SCN8A: variants seen among roughly 807,000 people sequenced by gnomAD.
The protein encoded by SCN8A is sodium channel protein type 8 subunit alpha.
A neutral mutation model predicts 184.1 loss-of-function variants in SCN8A; 30 were observed. The ratio of observed to expected loss-of-function variants is 0.16; its 90% CI spans 0.12 to 0.22. The LOEUF is 0.22. SCN8A is among the 10% of genes least tolerant of loss of function. The pLI, the probability that SCN8A is intolerant of heterozygous loss-of-function variation, is 1.00. For synonymous variants in SCN8A, 852 were observed against 907.0 expected (o/e 0.94, Z 1.09); for missense variants, 1,057 against 2,498.9 (o/e 0.42, Z 12.30).
chr12:51,666,349 C>T lies in SCN8A; in HGVS notation c.276+3256C>T, dbSNP rs969164920. Among the ~76,000 whole-genome samples the T allele has an allele frequency of 3.3e-5, 5 of 152,124 alleles. No individual in the cohort carries two copies. In the East Asian group the frequency reaches 5.8e-4, roughly 18 times the overall value. The stretch of plus-strand genomic sequence containing the variant: ...CAAGAAGATCAGAGTGATTTTTTTG[C>T]ACCCGCTGTTATACAAATGTCTTTA... On this transcript the variant is annotated intron_variant, in intron 2 of 26. Transcript: ENST00000627620.
chr12:51,633,316 C>G (rs952488146), intron 1 of SCN8A, among the ~76,000 whole-genome samples: 3 of 152,202 alleles, frequency 2.0e-5, no homozygotes, highest in Admixed American at 1.3e-4. Flanking sequence ...GAAATAATCT[C>G]TTATCTAGAT....
chr12:51,799,678 C>T (rs1254846784), intron 26 of SCN8A, among the ~76,000 whole-genome samples: 3 of 152,170 alleles, frequency 2.0e-5, no homozygotes, highest in Non-Finnish European at 4.4e-5. Flanking sequence ...GTTCTAAACC[C>T]CACTCAAAAC....
chr12:51,591,565 T>G (rs1270291802), intron 1 of SCN8A, among the ~76,000 whole-genome samples: 1 of 152,162 alleles, frequency 6.6e-6, no homozygotes, highest in East Asian at 1.9e-4. Context: ...CCTTCTACTG[T>G]GTGTACCGGG....
At chr12:51,630,024 T>G (rs1357394616) in intron 1 of SCN8A, among the ~76,000 whole-genome samples, 1 of 152,186 alleles carries the variant, frequency 6.6e-6, no homozygotes, top group Non-Finnish European at 1.5e-5. Context: ...TTGAATTTTA[T>G]CTCCTCCATT....
intron 26 of SCN8A, among the ~76,000 whole-genome samples, chr12:51,805,709 A>G (rs957044658): frequency 1.3e-5 from 2 of 152,206 alleles, no homozygotes; most frequent in Non-Finnish European, 2.9e-5. Flanking sequence ...CCTGGGCAAC[A>G]TAGCAAGACC....
intron 13 of SCN8A, among the ~76,000 whole-genome samples, chr12:51,746,621 A>T (rs1592140594): frequency 6.6e-6 from 1 of 152,314 alleles, no homozygotes; most frequent in East Asian, 1.9e-4. Context: ...CCACAGGGAA[A>T]GAGCAACCGC....
intron 11 of SCN8A, among the ~76,000 whole-genome samples, chr12:51,712,076 T>C (rs116983759): frequency 1.3e-5 from 2 of 152,166 alleles, no homozygotes; most frequent in Non-Finnish European, 2.9e-5. Context: ...TACATAAATA[T>C]TGAAAAGTTA....
chr12:51,763,714 T>C (rs1442294464), intron 15 of SCN8A, among the ~76,000 whole-genome samples: 1 of 152,234 alleles, frequency 6.6e-6, no homozygotes, highest in Non-Finnish European at 1.5e-5. Flanking sequence ...GTAAGTGATA[T>C]CTTGATTAAC....
At chr12:51,776,974 A>T (rs756105719) in intron 20 of SCN8A, among the ~76,000 whole-genome samples, 38 of 152,242 alleles carry the variant, frequency 2.5e-4, no homozygotes, top group Non-Finnish European at 5.1e-4. Flanking sequence ...CCAAACAAGG[A>T]AAACATTCTG....
intron 13 of SCN8A, among the ~76,000 whole-genome samples, chr12:51,749,418 A>G (rs937949214): frequency 6.6e-6 from 1 of 152,226 alleles, no homozygotes; most frequent in Non-Finnish European, 1.5e-5. Context: ...CCACGTGCCA[A>G]TGAGCAACAG....
chr12:51,757,345 T>A (rs1300783314), intron 14 of SCN8A, among the ~76,000 whole-genome samples: 2 of 151,922 alleles, frequency 1.3e-5, no homozygotes, highest in Middle Eastern at 3.2e-3. Context: ...GCAGTACACA[T>A]AGAACTTTTA....
At position 51,810,255 on chromosome 12, in the gene SCN8A, A is replaced by T. The variant is rs11833203; in HGVS notation, c.*2826A>T. On this transcript the variant is annotated 3_prime_UTR_variant, in exon 27 of 27. Transcript: ENST00000627620. The stretch of plus-strand genomic sequence containing the variant: ...CGCTGTATTTGAAGTTTCACTTTTT[A>T]AAAAAAAAATGTTTCCCACCTTTTT... The T allele has an allele frequency of 4.4e-3, 904 of 207,412 alleles. 10 individuals carry two copies. Among genetic ancestry groups the T allele is most frequent in the African/African-American group, 0.02 (818 of 41,828 alleles). 12.8% of individuals were successfully genotyped at this position (207,412 alleles called of 1,614,324 possible).
rs531602660 is a variant in SCN8A, at chr12:51,807,557, C to T, written c.*128C>T. The T allele has an allele frequency of 2.1e-4, 217 of 1,019,248 alleles. No homozygotes were observed. Among genetic ancestry groups the T allele is most frequent in the Non-Finnish European group, 2.1e-4 (140 of 679,832 alleles). The allele number at this position is 1,019,248 out of a possible 1,614,324, so 63.1% of individuals were successfully genotyped here. On this transcript the variant is annotated 3_prime_UTR_variant, in exon 27 of 27. Transcript: ENST00000627620. The surrounding 1 kb of genome is among the most constrained non-coding windows in gnomAD (Gnocchi z 4.5). ...TAACCTGAAGATCTATACCAAACGT[C>T]GTCTGCTTACCACGTAACACAGCTG...
intron 1 of SCN8A, among the ~76,000 whole-genome samples, chr12:51,644,298 G>T (rs1940515042): frequency 6.6e-6 from 1 of 152,138 alleles, no homozygotes; most frequent in South Asian, 2.1e-4. Context: ...AAACAGCTTG[G>T]GTTTGAATCC....
At chr12:51,606,206 A>C (rs1374759174) in intron 1 of SCN8A, among the ~76,000 whole-genome samples, 1 of 152,160 alleles carries the variant, frequency 6.6e-6, no homozygotes, top group East Asian at 1.9e-4. Flanking sequence ...ATCTTCTAGA[A>C]TTTTTATAGT....
chr12:51,658,170 A>T (rs1016884458), intron 1 of SCN8A, among the ~76,000 whole-genome samples: 1 of 152,094 alleles, frequency 6.6e-6, no homozygotes, highest in African/African-American at 2.4e-5. Context: ...TGGTATTTTG[A>T]TAAGGATTGT....
chr12:51,808,596 A>C lies in SCN8A; in HGVS notation c.*1167A>C, dbSNP rs1251807516. ...TGGAGAATTGACACTTATTTGGGGT[A>C]GAGATAAAAGTGCTTTTCAAAGTAG... On this transcript the variant is annotated 3_prime_UTR_variant, in exon 27 of 27. Transcript: ENST00000627620. 2 of 152,340 alleles carry C rather than the reference A, an allele frequency of 1.3e-5. No homozygotes were observed. The highest frequency in any genetic ancestry group is 4.8e-5 in the African/African-American group (2 of 41,456). 9.4% of individuals were successfully genotyped at this position (152,340 alleles called of 1,614,324 possible). A position where few individuals can be genotyped will look rare whatever the true frequency, so the allele number is the denominator to read the frequency against.
chr12:51,661,545 T>G lies in SCN8A; in HGVS notation c.-54-1219T>G, dbSNP rs77956834. Among the ~76,000 whole-genome samples the G allele has an allele frequency of 4.0e-3, 612 of 152,210 alleles. 4 individuals carry two copies. Among genetic ancestry groups the G allele is most frequent in the African/African-American group, 0.014 (588 of 41,532 alleles). ...AGAGTTAACTCTACTACTGTTCTCT[T>G]GAGGAGCCTCAAGGTTTAGTTGCCT... On this transcript the variant is annotated intron_variant, in intron 1 of 26. Transcript: ENST00000627620.
intron 2 of SCN8A, among the ~76,000 whole-genome samples, chr12:51,679,502 A>G (rs1336989475): frequency 1.3e-5 from 2 of 152,192 alleles, no homozygotes; most frequent in Non-Finnish European, 2.9e-5. Flanking sequence ...CATGTTGTCT[A>G]TGGCTACTTT....
Sources: allele counts gnomAD v4.1 joint callset (sites outside exome capture counted in the v4.1 genomes callset), GRCh38; gene constraint gnomAD v4.1.1; non-coding constraint Gnocchi (gnomAD v3.1); transcripts MANE v1.5; gene names NCBI Gene and HGNC (gene_info 2026-07-23, HGNC 2026-07-21).